Variants in ARHGAP28 observed in about 807,000 individuals in gnomAD.
The protein encoded by ARHGAP28 is Rho GTPase activating protein 28.
Under a neutral mutation model 90.7 loss-of-function variants are expected in ARHGAP28, and 56 were observed. The ratio of observed to expected loss-of-function variants is 0.62; its 90% CI spans 0.50 to 0.77. The LOEUF is 0.77. Ranked by LOEUF, ARHGAP28 falls within the 30% of genes least tolerant of loss-of-function variation. The pLI, the probability that ARHGAP28 is intolerant of heterozygous loss-of-function variation, is 0.00. For synonymous variants in ARHGAP28, 308 were observed against 323.3 expected (o/e 0.95, Z 0.51); for missense variants, 869 against 900.9 (o/e 0.96, Z 0.45).
At chr18:6,909,248 GTCTTT>G (rs1172759953) in intron 17 of ARHGAP28, among the ~76,000 whole-genome samples, 113 of 121,372 alleles carry the variant, frequency 9.3e-4, no homozygotes, top group African/African-American at 3.0e-3. Flanking sequence ...GTAGGCTTGG[GTCTTT>G]TCTTTTCTTT....
intron 5 of ARHGAP28, among the ~76,000 whole-genome samples, chr18:6,866,224 C>T (rs949424247): frequency 6.6e-6 from 1 of 152,104 alleles, no homozygotes; most frequent in African/African-American, 2.4e-5. Context: ...TTGTTTCTAA[C>T]CTTTAGGATT....
chr18:6,827,894 C>G (rs1296247385), intron 2 of ARHGAP28, among the ~76,000 whole-genome samples: 1 of 151,220 alleles, frequency 6.6e-6, no homozygotes, highest in East Asian at 2.0e-4. Context: ...GCGCTCCTCA[C>G]TTCCTAGATG....
At chr18:6,855,785 G>A (rs981502245) in intron 4 of ARHGAP28, among the ~76,000 whole-genome samples, 4 of 152,164 alleles carry the variant, frequency 2.6e-5, no homozygotes, top group African/African-American at 7.2e-5. Flanking sequence ...AGGCACCACC[G>A]CATTCCCTGG....
At chr18:6,817,945 G>A (rs748697673) in intron 1 of ARHGAP28, among the ~76,000 whole-genome samples, 2 of 152,146 alleles carry the variant, frequency 1.3e-5, no homozygotes, top group African/African-American at 2.4e-5. Context: ...TTTATCTCAT[G>A]ATATCTCTAG....
intron 2 of ARHGAP28, among the ~76,000 whole-genome samples, chr18:6,829,440 T>C (rs535761547): frequency 7.9e-5 from 12 of 152,364 alleles, no homozygotes; most frequent in African/African-American, 1.2e-4. Flanking sequence ...ACAGGAAATA[T>C]TTTCAGGTTT....
chr18:6,760,072 T>C (rs2056146042), intron 1 of ARHGAP28, among the ~76,000 whole-genome samples: 1 of 152,150 alleles, frequency 6.6e-6, no homozygotes, highest in Non-Finnish European at 1.5e-5. Flanking sequence ...TTCTCTGTCA[T>C]GGAATTATAT....
intron 4 of ARHGAP28, among the ~76,000 whole-genome samples, chr18:6,854,787 G>A (rs1026604259): frequency 2.6e-5 from 4 of 151,728 alleles, no homozygotes; most frequent in African/African-American, 9.7e-5. Flanking sequence ...CTCTGGACCC[G>A]GGCATCTCTG....
chr18:6,863,114 A>G (rs2143424721), intron 5 of ARHGAP28, among the ~76,000 whole-genome samples: 1 of 152,220 alleles, frequency 6.6e-6, no homozygotes, highest in African/African-American at 2.4e-5. Context: ...ATAATTATTT[A>G]TCTCATTGTT....
At chr18:6,757,620 T>C (rs561816746) in intron 1 of ARHGAP28, among the ~76,000 whole-genome samples, 285 of 152,326 alleles carry the variant, frequency 1.9e-3, no homozygotes, top group African/African-American at 6.4e-3. Flanking sequence ...GAATTAAGAA[T>C]TAAGCAGTGA....
chr18:6,803,107 A>T (rs1407473298), intron 1 of ARHGAP28, among the ~76,000 whole-genome samples: 1 of 152,146 alleles, frequency 6.6e-6, no homozygotes, highest in African/African-American at 2.4e-5. Context: ...TGCATTGGTT[A>T]GAACTTTTAG....
Position 6,894,870 on chromosome 18 carries a change from A to C in ARHGAP28, c.1884A>C (p.Lys628Asn). Residue 628 changes from lysine to asparagine, a missense_variant, in exon 15 of 18, where the codon AAA becomes AAC. Physicochemically the swap from Lys to Asn is moderately conservative, Grantham distance 94. Transcript: ENST00000383472. The stretch of plus-strand genomic sequence containing the variant: ...CCAAGACTTCAAAGGTACTGCAAAA[A>C]TCACCCTCGGCAAGACGAATGGTAA... The part of the protein sequence containing the change: ...ASPKTSKVLQ[K>N]SPSARRMSDV... 6.2e-7 allele frequency: 1 copy of C among 1,614,082 alleles called. No homozygotes were observed.
At chr18:6,874,662 TTTGCTA>T (rs2057117112) in intron 9 of ARHGAP28, 1 of 152,154 alleles carries the variant, frequency 6.6e-6, no homozygotes. Flanking sequence ...CTTCCTATAT[TTTGCTA>T]CCAGTGCCTC....
intron 3 of ARHGAP28, among the ~76,000 whole-genome samples, chr18:6,846,018 T>C (rs1452979864): frequency 6.6e-6 from 1 of 152,174 alleles, no homozygotes; most frequent in African/African-American, 2.4e-5. Flanking sequence ...ATGAATCCCA[T>C]GCATGATCTA....
chr18:6,890,150 C>A, intron 13 of ARHGAP28, 65 bp downstream of exon 13: 1 of 1,555,052 alleles, frequency 6.4e-7, no homozygotes, highest in South Asian at 1.1e-5. Flanking sequence ...ATAAAGCCTC[C>A]ATGATTGGGC....
At chr18:6,901,272 G>T (rs1179546911) in intron 16 of ARHGAP28, among the ~76,000 whole-genome samples, 1 of 152,178 alleles carries the variant, frequency 6.6e-6, no homozygotes, top group Non-Finnish European at 1.5e-5. Flanking sequence ...CACATTTGAT[G>T]AGAGAAGCAA....
chr18:6,772,523 C>T (rs2056251272), intron 1 of ARHGAP28, among the ~76,000 whole-genome samples: 1 of 152,112 alleles, frequency 6.6e-6, no homozygotes. Flanking sequence ...ACTTTCAGTA[C>T]AGTATTCAAT....
At chr18:6,753,284 G>A (rs2056084541) in intron 1 of ARHGAP28, among the ~76,000 whole-genome samples, 1 of 152,192 alleles carries the variant, frequency 6.6e-6, no homozygotes, top group African/African-American at 2.4e-5. Flanking sequence ...ATTAGTTTGA[G>A]ATGAGAGCCA....
chr18:6,837,044 T>C, intron 2 of ARHGAP28, 153 bp from the exon 3 acceptor site: 1 of 637,806 alleles, frequency 1.6e-6, no homozygotes, highest in Non-Finnish European at 2.7e-6. Context: ...AAAAATACAG[T>C]GCAGACTTTC....
intron 7 of ARHGAP28, 98 bp downstream of exon 7, chr18:6,870,830 C>G (rs540065389): frequency 6.9e-5 from 90 of 1,307,440 alleles, no homozygotes; most frequent in Non-Finnish European, 8.6e-5. Flanking sequence ...GACGGAGTCT[C>G]GCTCTATTGC....
Sources: allele counts gnomAD v4.1 joint callset (sites outside exome capture counted in the v4.1 genomes callset), GRCh38; gene constraint gnomAD v4.1.1; transcripts MANE v1.5; gene names NCBI Gene and HGNC (gene_info 2026-07-23, HGNC 2026-07-21).